INTS2: variants seen among roughly 807,000 people sequenced by gnomAD.
The protein encoded by INTS2 is integrator complex subunit 2.
A neutral mutation model predicts 139.6 loss-of-function variants in INTS2; 57 were observed. The ratio of observed to expected loss-of-function variants is 0.41; its 90% confidence interval spans 0.33 to 0.51. INTS2 has a LOEUF of 0.51. Ranked by LOEUF, INTS2 falls within the 20% of genes least tolerant of loss-of-function variation. The pLI, the probability that INTS2 is intolerant of heterozygous loss-of-function variation, is 0.28. For missense variants in INTS2, 1,196 were observed against 1,436.7 expected, an observed-to-expected ratio of 0.83 and a Z score of 2.71; for synonymous variants, 473 against 493.4, an observed-to-expected ratio of 0.96 and a Z score of 0.55.
At chr17:61,887,339 G>A (rs1043281291) in intron 15 of INTS2, among the ~76,000 whole-genome samples, 2 of 151,906 alleles carry the variant, frequency 1.3e-5, no homozygotes, top group African/African-American at 2.4e-5. Flanking sequence ...AAAATTCAGT[G>A]GGGCGTGTTA....
chr17:61,892,760 C>A (rs1416501694), intron 13 of INTS2, among the ~76,000 whole-genome samples: 1 of 149,632 alleles, frequency 6.7e-6, no homozygotes, highest in Non-Finnish European at 1.5e-5. Flanking sequence ...GCCTGGCCAA[C>A]ATGGTGAAAC....
rs577698617 is a variant in INTS2, at chr17:61,892,397, C to T, written c.1699-708G>A. Among the ~76,000 whole-genome samples the T allele has an allele frequency of 8.1e-4, 123 of 152,262 alleles. 1 individual carries two copies. The highest frequency in any genetic ancestry group is 2.7e-3 in the African/African-American group (114 of 41,540). On this transcript the variant is annotated intron_variant, in intron 13 of 24. Coordinates refer to ENST00000251334, the MANE Select transcript of INTS2 (RefSeq NM_001351695.2). ...GGGCCTTTTAACTTGTTAGATATAGCCAACTAAGACAAATCAAAACATGTC... is the reference window on the plus strand; with the variant it reads ...GGGCCTTTTAACTTGTTAGATATAGTCAACTAAGACAAATCAAAACATGTC...
At chr17:61,906,899 G>A (rs1301907498) in intron 8 of INTS2, among the ~76,000 whole-genome samples, 2 of 137,342 alleles carry the variant, frequency 1.5e-5, no homozygotes, top group African/African-American at 5.6e-5. Context: ...GGGAGGCAGA[G>A]GTTACAGTGA....
At chr17:61,901,539 ATAAAGT>A (rs2079404401) in intron 9 of INTS2, among the ~76,000 whole-genome samples, 2 of 148,592 alleles carry the variant, frequency 1.3e-5, no homozygotes, top group African/African-American at 2.5e-5. Flanking sequence ...GGAATTGAAG[ATAAAGT>A]TAAAGACAAA....
intron 2 of INTS2, 110 bp downstream of exon 2, chr17:61,926,242 C>A: frequency 1.2e-6 from 1 of 859,774 alleles, no homozygotes; most frequent in Non-Finnish European, 1.8e-6. Flanking sequence ...AAGTAAAATG[C>A]TCTCCAGAAT....
At chr17:61,905,646 C>T (rs1335955643) in intron 8 of INTS2, among the ~76,000 whole-genome samples, 3 of 152,100 alleles carry the variant, frequency 2.0e-5, no homozygotes, top group Admixed American at 6.6e-5. Flanking sequence ...TTTATTTCTT[C>T]GTAAAGACTT....
intron 15 of INTS2, among the ~76,000 whole-genome samples, chr17:61,887,357 C>T (rs1419249697): frequency 6.6e-6 from 1 of 151,960 alleles, no homozygotes; most frequent in African/African-American, 2.4e-5. Flanking sequence ...TTAGTGGGCA[C>T]CTGTAATCCC....
intron 9 of INTS2, among the ~76,000 whole-genome samples, chr17:61,899,980 AAAAAG>A: frequency 2.0e-5 from 3 of 152,246 alleles, no homozygotes; most frequent in Admixed American, 2.0e-4. Context: ...TACTTCAAGT[AAAAAG>A]AAAAGAAAGA....
intron 12 of INTS2, among the ~76,000 whole-genome samples, chr17:61,894,722 C>T (rs2079329784): frequency 6.6e-6 from 1 of 151,982 alleles, no homozygotes; most frequent in Non-Finnish European, 1.5e-5. Context: ...GTGGTGTGCA[C>T]CTCTAATCCT....
chr17:61,917,125 T>G (rs1769460831), intron 5 of INTS2, among the ~76,000 whole-genome samples: 1 of 151,848 alleles, frequency 6.6e-6, no homozygotes, highest in Non-Finnish European at 1.5e-5. Context: ...TATTAAAAAG[T>G]CAAAAAATAA....
chr17:61,869,267 C>G lies in INTS2; in HGVS notation c.3138+6G>C. On this transcript the variant is annotated splice_donor_region_variant and intron_variant, in intron 22 of 24. Coordinates refer to ENST00000251334, the MANE Select transcript of INTS2 (RefSeq NM_001351695.2). The surrounding 1 kb of genome is among the most constrained non-coding windows in gnomAD (Gnocchi z 5.4). ...AATTGTCCTAAAGCTCCAAAATGCT[C>G]ATTACCTGTTTCTCAAGTTCTGGCT... 1 of 1,586,274 alleles carries G rather than the reference C, an allele frequency of 6.3e-7. No individual in the cohort carries two copies. The highest frequency in any genetic ancestry group is 8.6e-7 in the Non-Finnish European group (1 of 1,159,492).
At chr17:61,878,931 C>A (rs1367378155) in intron 17 of INTS2, among the ~76,000 whole-genome samples, 236 of 46,616 alleles carry the variant, frequency 5.1e-3, no homozygotes, top group Admixed American at 0.01. Context: ...ACCCTGTCTC[C>A]AAAAAAAAAA....
At chr17:61,912,976 T>TGAGGCAGCAGAATCACTTG (rs2079543253) in intron 5 of INTS2, among the ~76,000 whole-genome samples, 1 of 152,010 alleles carries the variant, frequency 6.6e-6, no homozygotes, top group Non-Finnish European at 1.5e-5. Flanking sequence ...CTCAGGAGGC[T>TGAGGCAGCAGAATCACTTG]GAGGCAGCAG....
intron 17 of INTS2, among the ~76,000 whole-genome samples, chr17:61,880,153 C>T (rs571768839): frequency 1.3e-5 from 2 of 152,264 alleles, no homozygotes; most frequent in East Asian, 1.9e-4. Context: ...ACACCATTCT[C>T]CTGCCTCAGC....
In INTS2 at chr17:61,921,830, T is replaced by C. The variant is rs752353824; in HGVS notation, c.433-3A>G. 3.4e-5 allele frequency: 50 copies of C among 1,462,138 alleles called. No homozygotes were observed. The highest frequency in any genetic ancestry group is 4.6e-5 in the Non-Finnish European group (49 of 1,066,708). 90.6% of individuals were successfully genotyped at this position (1,462,138 alleles called of 1,614,324 possible). A position where few individuals can be genotyped will look rare whatever the true frequency, so the allele number is the denominator to read the frequency against. On this transcript the variant is annotated splice_region_variant and splice_polypyrimidine_tract_variant and intron_variant, in intron 3 of 24. Transcript: ENST00000251334. Reference sequence around the variant, plus strand: ...AATTCTCCGTTGGACTCAGACACCTTAAAAAAGAAAAAAAAAAGATATAAA... The same window carrying C: ...AATTCTCCGTTGGACTCAGACACCTCAAAAAAGAAAAAAAAAAGATATAAA...
intron 9 of INTS2, among the ~76,000 whole-genome samples, chr17:61,899,911 A>T (rs1411277855): frequency 1.1e-4 from 3 of 27,886 alleles, no homozygotes; most frequent in Non-Finnish European, 1.7e-4. Context: ...GATCCTATCT[A>T]AAAAAAAAAA....
At chr17:61,918,295 T>G in intron 5 of INTS2, among the ~76,000 whole-genome samples, 1 of 152,298 alleles carries the variant, frequency 6.6e-6, no homozygotes, top group South Asian at 2.1e-4. Context: ...CAGGCTGGAG[T>G]GCAGTGGCAC....
chr17:61,897,618 AAG>A lies in INTS2; in HGVS notation c.1380-37_1380-36del. Reference sequence around the variant, plus strand: ...CAAAATAGGAAATATGAATTTTCCAAAGAGAGAAGAAGAAAAGCTTTCTCAAC... The same window carrying A: ...CAAAATAGGAAATATGAATTTTCCAAAGAGAAGAAGAAAAGCTTTCTCAAC... On this transcript the variant is annotated intron_variant, in intron 10 of 24. Transcript: ENST00000251334. This position sits in a 1 kb window ranked among gnomAD's most constrained non-coding sequence, Gnocchi z 4.4. 3 of 1,581,410 alleles carry A rather than the reference AAG, an allele frequency of 1.9e-6. No individual in the cohort carries two copies. The highest frequency in any genetic ancestry group is 1.1e-5 in the South Asian group (1 of 87,030).
At chr17:61,881,579 G>A (rs1051168222) in intron 16 of INTS2, among the ~76,000 whole-genome samples, 7 of 152,036 alleles carry the variant, frequency 4.6e-5, no homozygotes, top group Non-Finnish European at 8.8e-5. Flanking sequence ...CTCAGGCAAC[G>A]AGCAAAACTC....
Sources: allele counts gnomAD v4.1 joint callset (sites outside exome capture counted in the v4.1 genomes callset), GRCh38; gene constraint gnomAD v4.1.1; non-coding constraint Gnocchi (gnomAD v3.1); transcripts MANE v1.5; gene names NCBI Gene and HGNC (gene_info 2026-07-23, HGNC 2026-07-21).